The following NLGN4X variants were observed in gnomAD, a reference collection of about 807,000 sequenced individuals.
NLGN4X encodes the protein neuroligin 4 X-linked.
A neutral mutation model predicts 40.3 loss-of-function variants in NLGN4X; 3 were observed. The observed-to-expected ratio is 0.07, with a 90% confidence interval of 0.03 to 0.19. The LOEUF (loss-of-function observed/expected upper bound fraction) is 0.19. Ranked by LOEUF, NLGN4X falls within the 10% of genes least tolerant of loss-of-function variation. NLGN4X has a pLI of 1.00. For synonymous variants in NLGN4X, 270 were observed against 306.8 expected (o/e 0.88, Z 1.25); for missense variants, 382 against 708.3 (o/e 0.54, Z 5.23).
intron 1 of NLGN4X, among the ~76,000 whole-genome samples, chrX:6,206,184 T>C (rs1299728773): frequency 9.0e-6 from 1 of 111,263 alleles, no homozygotes; most frequent in East Asian, 2.8e-4. Flanking sequence ...TCTAAAATCC[T>C]CATGACGATG....
Position 5,959,693 on chromosome X carries a change from G to A in NLGN4X, c.626-50454C>T, listed in dbSNP as rs1233174156. 3.6e-5 allele frequency among the ~76,000 whole-genome samples: 4 copies of A among 111,778 alleles called. No individual in the cohort carries two copies. The South Asian group carries it at 1.1e-3, about 31-fold the overall frequency. ...TTTCCCTGTCAGCCAGATACATACC[G>A]TGCATTTGACATCACAGGATGGATG... is the stretch of plus-strand genomic sequence containing the variant. On this transcript the variant is annotated intron_variant, in intron 3 of 5. Coordinates refer to ENST00000381095, the MANE Select transcript of NLGN4X (RefSeq NM_181332.3).
chrX:5,911,829 C>A (rs1245156729), intron 3 of NLGN4X, among the ~76,000 whole-genome samples: 1 of 111,951 alleles, frequency 8.9e-6, no homozygotes, highest in Admixed American at 9.5e-5. Context: ...AACCTCCATA[C>A]TGTTCTTGAT....
chrX:5,929,187 G>A (rs1033702464), intron 3 of NLGN4X, among the ~76,000 whole-genome samples: 9 of 111,757 alleles, frequency 8.1e-5, no homozygotes, highest in Non-Finnish European at 1.1e-4. Flanking sequence ...TGCCGGCTTG[G>A]CGTGGTGGCT....
intron 3 of NLGN4X, among the ~76,000 whole-genome samples, chrX:6,021,043 TCTCTCCCTCCCTCC>T (rs1785579952): frequency 2.0e-4 from 4 of 20,057 alleles, no homozygotes; most frequent in African/African-American, 9.8e-4. Flanking sequence ...TCTCTCTCTC[TCTCTCCCTCCCTCC>T]CTCCCTCCCT....
intron 3 of NLGN4X, among the ~76,000 whole-genome samples, chrX:5,997,674 C>T (rs1011750107): frequency 9.5e-5 from 10 of 104,820 alleles, no homozygotes; most frequent in African/African-American, 3.1e-4. Flanking sequence ...TTCCATGTGG[C>T]AGGGACTCTT....
chrX:6,171,612 T>C (rs1384615225), intron 1 of NLGN4X, among the ~76,000 whole-genome samples: 1 of 112,638 alleles, frequency 8.9e-6, no homozygotes, highest in African/African-American at 3.2e-5. Flanking sequence ...GCCTTGACCC[T>C]GCCTGCCCAT....
intron 1 of NLGN4X, among the ~76,000 whole-genome samples, chrX:6,214,341 A>G (rs1244270075): frequency 9.0e-6 from 1 of 111,404 alleles, no homozygotes; most frequent in Non-Finnish European, 1.9e-5. Flanking sequence ...TTGACAGGGC[A>G]TATGTGAACC....
In NLGN4X at chrX:5,991,521, T is replaced by G. The variant is rs187686094; in HGVS notation, c.625+37759A>C. The G allele has an allele frequency of 4.4e-4, 225 of 516,481 alleles. 2 individuals carry two copies. The African/African-American group carries it at 4.6e-3, about 11-fold the overall frequency. The allele number at this position is 516,481 out of a possible 1,213,427, so 42.6% of individuals were successfully genotyped here. On this transcript the variant is annotated intron_variant, in intron 3 of 5. Transcript: ENST00000381095. Reference sequence around the variant, plus strand: ...AGTTTCCATGAGCCAGTGTGTTTTCTGCTGAGTGAGATGGAAATAGGACAG... The same window carrying G: ...AGTTTCCATGAGCCAGTGTGTTTTCGGCTGAGTGAGATGGAAATAGGACAG...
At chrX:6,208,010 T>C (rs1924187652) in intron 1 of NLGN4X, among the ~76,000 whole-genome samples, 2 of 112,062 alleles carry the variant, frequency 1.8e-5, no homozygotes, top group Non-Finnish European at 3.8e-5. Flanking sequence ...CTTATTTTGT[T>C]GGATAATCTA....
chrX:6,083,250 G>A (rs900648446), intron 2 of NLGN4X, among the ~76,000 whole-genome samples: 8 of 110,338 alleles, frequency 7.3e-5, no homozygotes, highest in South Asian at 3.8e-4. Flanking sequence ...GAGCCACCGC[G>A]CCCGGCCCAT....
intron 2 of NLGN4X, among the ~76,000 whole-genome samples, chrX:6,035,156 G>C (rs1169780244): frequency 8.9e-6 from 1 of 112,026 alleles, no homozygotes; most frequent in African/African-American, 3.2e-5. Context: ...TGAATAGTAA[G>C]TGGTTTGTTT....
At chrX:6,090,000 C>T (rs11797657) in intron 2 of NLGN4X, among the ~76,000 whole-genome samples, 52,359 of 109,822 alleles carry the variant, frequency 0.48, 9,155 homozygotes, top group Admixed American at 0.52. Flanking sequence ...CATGTGCTCC[C>T]AAGTGTGTGG....
intron 2 of NLGN4X, among the ~76,000 whole-genome samples, chrX:6,069,622 C>T (rs1424818769): frequency 1.8e-5 from 2 of 112,192 alleles, no homozygotes; most frequent in East Asian, 2.8e-4. Flanking sequence ...GAAATGACTA[C>T]ATCGGTCCTA....
intron 3 of NLGN4X, among the ~76,000 whole-genome samples, chrX:5,987,910 T>C (rs1694213394): frequency 9.0e-6 from 1 of 111,380 alleles, no homozygotes; most frequent in African/African-American, 3.3e-5. Flanking sequence ...TCTGTCTCAG[T>C]GAATTTATTT....
At chrX:6,023,872 A>C (rs1281629398) in intron 3 of NLGN4X, among the ~76,000 whole-genome samples, 5 of 111,959 alleles carry the variant, frequency 4.5e-5, no homozygotes. Flanking sequence ...GTACAGACAG[A>C]CTTGCACTTG....
chrX:6,024,914 G>C (rs1284187985), intron 3 of NLGN4X, among the ~76,000 whole-genome samples: 1 of 111,890 alleles, frequency 8.9e-6, no homozygotes, highest in East Asian at 2.8e-4. Flanking sequence ...TTATGGAGCA[G>C]TCATTCTTTA....
intron 3 of NLGN4X, among the ~76,000 whole-genome samples, chrX:5,968,849 A>C (rs2034923524): frequency 9.2e-6 from 1 of 109,127 alleles, no homozygotes; most frequent in African/African-American, 3.3e-5. Context: ...TTCTTCCATA[A>C]TTAGCTTGGT....
chrX:6,088,180 C>T (rs1396475694), intron 2 of NLGN4X, among the ~76,000 whole-genome samples: 3 of 112,657 alleles, frequency 2.7e-5, no homozygotes, highest in Non-Finnish European at 3.7e-5. Context: ...TTCTACGTGG[C>T]ATTTGTCATG....
intron 2 of NLGN4X, among the ~76,000 whole-genome samples, chrX:6,088,656 A>G (rs2038560003): frequency 8.9e-6 from 1 of 112,185 alleles, no homozygotes; most frequent in African/African-American, 3.2e-5. Flanking sequence ...AAAACTAGAA[A>G]GAGAAAATAA....
Sources: allele counts gnomAD v4.1 joint callset (sites outside exome capture counted in the v4.1 genomes callset), GRCh38; gene constraint gnomAD v4.1.1; transcripts MANE v1.5; gene names NCBI Gene and HGNC (gene_info 2026-07-23, HGNC 2026-07-21).